XKR6: variants seen among roughly 807,000 people sequenced by gnomAD.
XKR6 encodes XK related 6.
A neutral mutation model predicts 56.7 loss-of-function variants in XKR6; 22 were observed. The ratio of observed to expected loss-of-function variants is 0.39; its 90% CI spans 0.28 to 0.55. The LOEUF is 0.55. Among genes scored for constraint, XKR6 ranks in the 20% least tolerant of loss-of-function variants. The pLI is 0.66. For missense variants in XKR6, 852 were observed against 889.0 expected, an observed-to-expected ratio of 0.96 and a Z score of 0.53; for synonymous variants, 524 against 387.8, an observed-to-expected ratio of 1.35 and a Z score of -4.13.
rs58774414 is a variant in XKR6, at chr8:10,984,732, C to CTATATATATA, written c.765-59912_765-59903dup. Among the ~76,000 whole-genome samples, 339 of 47,384 alleles carry CTATATATATA rather than the reference C, an allele frequency of 7.2e-3. 11 individuals carry two copies. The highest frequency in any genetic ancestry group is 0.047 in the Middle Eastern group (3 of 64). 31.1% of individuals were successfully genotyped at this position (47,384 alleles called of 152,430 possible). On this transcript the variant is annotated intron_variant, in intron 1 of 2. Coordinates refer to ENST00000416569, the MANE Select transcript of XKR6 (RefSeq NM_173683.4). ...TCTCTCTCTCTCTCTCTCTCTCTCT[C>CTATATATATA]TATATATATATATATATATATATAT... is the stretch of plus-strand genomic sequence containing the variant.
At position 11,000,681 on chromosome 8, in the gene XKR6, T is replaced by C. The variant is rs539497936; in HGVS notation, c.765-75851A>G. Among the ~76,000 whole-genome samples the C allele has an allele frequency of 6.6e-5, 10 of 152,234 alleles. No homozygotes were observed. The East Asian group carries it at 1.9e-3, about 29-fold the overall frequency. The stretch of plus-strand genomic sequence containing the variant: ...GTCTGGGCAAGAGAGCCAGACTCTA[T>C]CTCAAAAATAAATAAATAAAAATAA... On this transcript the variant is annotated intron_variant, in intron 1 of 2. Coordinates refer to ENST00000416569, the MANE Select transcript of XKR6 (RefSeq NM_173683.4).
At chr8:11,046,993 G>C (rs534098086) in intron 1 of XKR6, among the ~76,000 whole-genome samples, 1 of 151,800 alleles carries the variant, frequency 6.6e-6, no homozygotes, top group Non-Finnish European at 1.5e-5. Context: ...AGGGGCTGGG[G>C]AGAAGGGAAA....
rs542774907 is a variant in XKR6 at position 11,086,726 on chromosome 8, A to G, written c.764+113850T>C. 7.2e-5 allele frequency among the ~76,000 whole-genome samples: 11 copies of G among 152,324 alleles called. No individual in the cohort carries two copies. In the East Asian group the frequency reaches 1.7e-3, roughly 24 times the overall value. On this transcript the variant is annotated intron_variant, in intron 1 of 2. Coordinates refer to ENST00000416569, the MANE Select transcript of XKR6 (RefSeq NM_173683.4). ...GTCTCCAGTGTCCCACTCTGATCCT[A>G]TCTCTTTTCTAGATCCTGCTGCCTC...
intron 1 of XKR6, among the ~76,000 whole-genome samples, chr8:11,029,719 TCCC>T (rs975871037): frequency 6.6e-6 from 1 of 151,854 alleles, no homozygotes; most frequent in African/African-American, 2.4e-5. Flanking sequence ...TCCTTGCCAG[TCCC>T]CCCATTTCCT....
intron 1 of XKR6, among the ~76,000 whole-genome samples, chr8:11,011,188 G>A (rs1015250419): frequency 2.0e-5 from 3 of 152,190 alleles, no homozygotes; most frequent in Non-Finnish European, 4.4e-5. Flanking sequence ...CCTGCTTCAA[G>A]GAGTCCCCAC....
At chr8:11,124,662 G>C (rs1221068493) in intron 1 of XKR6, 2 of 152,932 alleles carry the variant, frequency 1.3e-5, no homozygotes, top group African/African-American at 4.8e-5. Context: ...GGTAGGAGAA[G>C]GTTGGAGGGA....
chr8:10,941,296 C>T (rs771308869), intron 1 of XKR6, among the ~76,000 whole-genome samples: 5 of 152,154 alleles, frequency 3.3e-5, no homozygotes, highest in African/African-American at 4.8e-5. Flanking sequence ...ACAGAGGGGA[C>T]GGTGTCACAA....
chr8:10,911,199 C>CATGTGTGTGT (rs1284455130), intron 2 of XKR6, among the ~76,000 whole-genome samples: 18 of 126,286 alleles, frequency 1.4e-4, no homozygotes, highest in Admixed American at 5.7e-4. Context: ...AGAGGGTGTG[C>CATGTGTGTGT]GTGTGTGTGT....
chr8:11,135,304 C>T (rs1055406654), intron 1 of XKR6, among the ~76,000 whole-genome samples: 1 of 152,178 alleles, frequency 6.6e-6, no homozygotes. Context: ...GCTGGGATTA[C>T]AGGCGTGAGC....
At chr8:11,178,550 A>ATATATATATATATATATATG (rs1802782654) in intron 1 of XKR6, among the ~76,000 whole-genome samples, 11 of 95,436 alleles carry the variant, frequency 1.2e-4, no homozygotes, top group Non-Finnish European at 1.6e-4. Flanking sequence ...AGGTAAAAAT[A>ATATATATATATATATATATG]TATATATATA....
chr8:11,016,932 A>C (rs1798638508), intron 1 of XKR6, among the ~76,000 whole-genome samples: 1 of 152,242 alleles, frequency 6.6e-6, no homozygotes, highest in Admixed American at 6.5e-5. Flanking sequence ...TTAGATAGAC[A>C]GACAGGTTAG....
At chr8:10,991,151 G>A (rs1387140852) in intron 1 of XKR6, among the ~76,000 whole-genome samples, 2 of 152,092 alleles carry the variant, frequency 1.3e-5, no homozygotes, top group Non-Finnish European at 2.9e-5. Context: ...TGATCCACCT[G>A]TCTCAGCCTC....
intron 1 of XKR6, among the ~76,000 whole-genome samples, chr8:11,140,340 T>A (rs547750104): frequency 6.6e-6 from 1 of 152,110 alleles, no homozygotes; most frequent in Non-Finnish European, 1.5e-5. Flanking sequence ...ATACCACCTA[T>A]CTAAGCCTAT....
At chr8:10,972,363 G>T (rs1303008218) in intron 1 of XKR6, among the ~76,000 whole-genome samples, 1 of 152,212 alleles carries the variant, frequency 6.6e-6, no homozygotes, top group African/African-American at 2.4e-5. Context: ...ATTCAAAATG[G>T]AAAGGACAGA....
intron 1 of XKR6, among the ~76,000 whole-genome samples, chr8:11,017,198 G>A (rs936580515): frequency 6.6e-6 from 1 of 152,210 alleles, no homozygotes; most frequent in African/African-American, 2.4e-5. Flanking sequence ...ATTGTAACAC[G>A]TATAGATAGG....
chr8:11,144,860 G>T (rs752942957), intron 1 of XKR6, among the ~76,000 whole-genome samples: 11 of 151,482 alleles, frequency 7.3e-5, no homozygotes, highest in African/African-American at 2.2e-4. Context: ...GGGAAGGGAG[G>T]GGTAGGGAGG....
intron 1 of XKR6, among the ~76,000 whole-genome samples, chr8:11,090,187 C>T (rs1362462735): frequency 6.6e-6 from 1 of 152,162 alleles, no homozygotes; most frequent in Non-Finnish European, 1.5e-5. Flanking sequence ...TGGGCTCAAG[C>T]GATCCTCCCA....
Position 10,897,781 on chromosome 8 carries a change from G to T in XKR6, c.*171C>A, listed in dbSNP as rs1429112733. ...ACTGGAAAGAAAGCTTATTTGAAGG[G>T]GTTGTGACTTATTAATTCTTTTTTT... On this transcript the variant is annotated 3_prime_UTR_variant, in exon 3 of 3. Coordinates refer to ENST00000416569, the MANE Select transcript of XKR6 (RefSeq NM_173683.4). 30 of 738,282 alleles carry T rather than the reference G, an allele frequency of 4.1e-5. No individual in the cohort carries two copies. The highest frequency in any genetic ancestry group is 5.8e-5 in the Non-Finnish European group (28 of 485,216). 45.7% of individuals were successfully genotyped at this position (738,282 alleles called of 1,614,324 possible).
chr8:11,043,184 T>C (rs1449737645), intron 1 of XKR6, among the ~76,000 whole-genome samples: 1 of 151,370 alleles, frequency 6.6e-6, no homozygotes, highest in Non-Finnish European at 1.5e-5. Context: ...TTATCATAAA[T>C]AATATATGCC....
Sources: allele counts gnomAD v4.1 joint callset (sites outside exome capture counted in the v4.1 genomes callset), GRCh38; gene constraint gnomAD v4.1.1; transcripts MANE v1.5; gene names NCBI Gene and HGNC (gene_info 2026-07-23, HGNC 2026-07-21).